Variants in SYNE1 observed in about 807,000 individuals in gnomAD.
SYNE1 encodes the protein nesprin-1.
A neutral mutation model predicts 1,111.0 loss-of-function variants in SYNE1; 616 were observed. That is an observed-to-expected ratio of 0.55 (90% confidence interval 0.52 to 0.59). The LOEUF is 0.59. Ranked by LOEUF, SYNE1 falls within the 20% of genes least tolerant of loss-of-function variation. The probability of loss-of-function intolerance (pLI) is 0.00; values close to 1 mark genes in which losing one functional copy is unlikely to be tolerated. For missense variants in SYNE1, 10,006 were observed against 10,417.0 expected (o/e 0.96, Z 1.72); for synonymous variants, 3,855 against 3,825.8 (o/e 1.01, Z -0.28).
intron 3 of SYNE1, among the ~76,000 whole-genome samples, chr6:152,603,282 G>A (rs2128670332): frequency 1.3e-5 from 2 of 152,236 alleles, no homozygotes; most frequent in South Asian, 4.2e-4. Flanking sequence ...TCAGAGTTGA[G>A]GGAGACTTTT....
chr6:152,379,287 A>G (rs1318068244), intron 56 of SYNE1, among the ~76,000 whole-genome samples: 1 of 152,160 alleles, frequency 6.6e-6, no homozygotes, highest in Non-Finnish European at 1.5e-5. Flanking sequence ...TCCACCTTAT[A>G]CAGCTTAAGA....
Position 152,221,480 on chromosome 6 carries a change from C to T in SYNE1, c.21602G>A (p.Cys7201Tyr), listed in dbSNP as rs794727041. ...GSITNQLLKE[C>Y]HPPVTETLTN... ...AAGAGTTTCTGTCACGGGTGGGTGACACTCTTTTAATAATTGGTTGGTGAT... is the reference window on the plus strand; with the variant it reads ...AAGAGTTTCTGTCACGGGTGGGTGATACTCTTTTAATAATTGGTTGGTGAT... Residue 7201 changes from cysteine to tyrosine, a missense_variant, in exon 118 of 146, where the codon TGT becomes TAT. Cys to Tyr is a radical substitution (Grantham distance 194, BLOSUM62 -2). This residue lies in a region of SYNE1 where 2,182 missense variants were observed against 2,287.8 expected (regional missense o/e 0.95). Coordinates refer to ENST00000367255, the MANE Select transcript of SYNE1 (RefSeq NM_182961.4). 33 of 1,613,854 alleles carry T rather than the reference C, an allele frequency of 2.0e-5. No individual in the cohort carries two copies. Among genetic ancestry groups the T allele is most frequent in the Non-Finnish European group, 2.7e-5 (32 of 1,179,944 alleles).
At chr6:152,565,047 A>G (rs1178776683) in intron 3 of SYNE1, among the ~76,000 whole-genome samples, 1 of 152,240 alleles carries the variant, frequency 6.6e-6, no homozygotes, top group Non-Finnish European at 1.5e-5. Context: ...GATAGCAGCA[A>G]TTAACTTCTC....
intron 116 of SYNE1, among the ~76,000 whole-genome samples, chr6:152,225,301 A>G (rs73003261): frequency 0.32 from 35,732 of 110,744 alleles, 4,484 homozygotes; most frequent in East Asian, 0.6. Context: ...ACACACACAC[A>G]CGCACACACA....
chr6:152,519,081 T>C (rs968913478), intron 6 of SYNE1, among the ~76,000 whole-genome samples: 2 of 152,086 alleles, frequency 1.3e-5, no homozygotes, highest in Non-Finnish European at 2.9e-5. Flanking sequence ...GGCACATGTA[T>C]ACATATGTAA....
intron 111 of SYNE1, 54 bp downstream of exon 111, chr6:152,234,614 G>A: frequency 6.2e-7 from 1 of 1,608,474 alleles, no homozygotes; most frequent in Non-Finnish European, 8.5e-7. Context: ...ACTGGTGTAT[G>A]GGTCAGGCCT....
In SYNE1 at chr6:152,511,552, T is replaced by A. The variant is rs759834506; in HGVS notation, c.310-449A>T. Reference sequence around the variant, plus strand: ...ACCTATAAAAATCAGGAGTTAAGAATTCTAAAATTTGTACTAACCGGTGAT... The same window carrying A: ...ACCTATAAAAATCAGGAGTTAAGAAATCTAAAATTTGTACTAACCGGTGAT... On this transcript the variant is annotated intron_variant, in intron 6 of 145. Transcript: ENST00000367255. 1.8e-5 allele frequency: 29 copies of A among 1,611,822 alleles called. 1 individual carries two copies. In the South Asian group the frequency reaches 3.2e-4, roughly 18 times the overall value.
intron 106 of SYNE1, among the ~76,000 whole-genome samples, chr6:152,243,461 G>A (rs1051822442): frequency 1.3e-5 from 2 of 152,078 alleles, no homozygotes; most frequent in African/African-American, 2.4e-5. Flanking sequence ...TGAGGCATAC[G>A]GACCTGATTA....
rs368125500 is a variant in SYNE1 at position 152,169,881 on chromosome 6, A to G, written c.23628-5556T>C. 8.5e-5 allele frequency among the ~76,000 whole-genome samples: 13 copies of G among 152,132 alleles called. No homozygotes were observed. The East Asian group carries it at 1.5e-3, about 18-fold the overall frequency. On this transcript the variant is annotated intron_variant, in intron 130 of 145. Coordinates refer to ENST00000367255, the MANE Select transcript of SYNE1 (RefSeq NM_182961.4). The stretch of plus-strand genomic sequence containing the variant: ...AAAACATAGTACTTAAAGATATTGT[A>G]CTGTGAATTCTTTTATAAAACAATC...
chr6:152,407,830 C>A (rs2746417), intron 44 of SYNE1, among the ~76,000 whole-genome samples: 31,458 of 148,892 alleles, frequency 0.21, 3,533 homozygotes, highest in East Asian at 0.39. Flanking sequence ...GGTGCGATCT[C>A]AGCTCACTGC....
intron 11 of SYNE1, among the ~76,000 whole-genome samples, chr6:152,490,198 A>T (rs2098962827): frequency 6.6e-6 from 1 of 152,238 alleles, no homozygotes; most frequent in African/African-American, 2.4e-5. Context: ...TACAGATTAA[A>T]GTATATGGGA....
At chr6:152,287,645 C>G (rs1430641920) in intron 95 of SYNE1, among the ~76,000 whole-genome samples, 2 of 152,170 alleles carry the variant, frequency 1.3e-5, no homozygotes. Context: ...CTCCCAGGTT[C>G]AAGTGATTCT....
At chr6:152,368,682 A>G (rs2097127127) in intron 61 of SYNE1, 1 of 365,340 alleles carries the variant, frequency 2.7e-6, no homozygotes, top group Admixed American at 4.0e-5. Flanking sequence ...CCTGGGAAAC[A>G]TATCATTTCA....
At chr6:152,497,924 ATTGT>A (rs986468371) in intron 11 of SYNE1, among the ~76,000 whole-genome samples, 3 of 152,174 alleles carry the variant, frequency 2.0e-5, no homozygotes, top group Non-Finnish European at 4.4e-5. Context: ...CTTTCACTTT[ATTGT>A]TTTTCTTTCT....
At chr6:152,245,912 T>C (rs6901631) in intron 105 of SYNE1, among the ~76,000 whole-genome samples, 27,180 of 152,182 alleles carry the variant, frequency 0.18, 2,683 homozygotes, top group African/African-American at 0.26. Flanking sequence ...TGGACACAGC[T>C]GTGAGCTTGA....
intron 64 of SYNE1, among the ~76,000 whole-genome samples, chr6:152,361,529 A>C (rs1270224887): frequency 6.6e-6 from 1 of 152,184 alleles, no homozygotes; most frequent in Non-Finnish European, 1.5e-5. Flanking sequence ...TTTCCAATGT[A>C]ATATATTCAG....
intron 2 of SYNE1, among the ~76,000 whole-genome samples, 171 bp from the exon 3 acceptor site, chr6:152,628,725 T>C (rs2099691295): frequency 6.6e-6 from 1 of 152,188 alleles, no homozygotes; most frequent in Non-Finnish European, 1.5e-5. Context: ...ATGTTAGGAA[T>C]TCCCATGATA....
chr6:152,246,663 T>A (rs954872242), intron 105 of SYNE1, among the ~76,000 whole-genome samples: 1 of 152,066 alleles, frequency 6.6e-6, no homozygotes, highest in Admixed American at 6.5e-5. Flanking sequence ...AATAAATCAT[T>A]AGAAAATTTT....
intron 32 of SYNE1, 132 bp from the exon 33 acceptor site, chr6:152,436,233 A>G (rs1445928384): frequency 3.3e-6 from 3 of 919,562 alleles, no homozygotes; most frequent in South Asian, 1.7e-5. Flanking sequence ...TGGATCTTAC[A>G]TTGTTCTTAA....
Sources: gnomAD v4.1 joint callset for allele counts (sites outside exome capture counted in the v4.1 genomes callset) on GRCh38, gnomAD v4.1.1 for gene constraint, gnomAD v4.1.1 regional missense constraint, MANE v1.5 for transcripts, NCBI Gene and HGNC (gene_info 2026-07-23, HGNC 2026-07-21) for gene names.